The following ZNF131 variants were observed in gnomAD, a reference collection of about 807,000 sequenced individuals.
The protein encoded by ZNF131 is zinc finger and BTB domain containing 35, also known as zinc finger protein 131.
Under a neutral mutation model 60.0 loss-of-function variants are expected in ZNF131, and 7 were observed. The observed-to-expected ratio is 0.12, with a 90% CI of 0.07 to 0.22. ZNF131 has a LOEUF of 0.22. ZNF131 is among the 10% of genes least tolerant of loss of function. ZNF131 has a pLI of 1.00. For missense variants in ZNF131, 493 were observed against 740.9 expected, an observed-to-expected ratio of 0.67 and a Z score of 3.88; for synonymous variants, 257 against 253.2, an observed-to-expected ratio of 1.01 and a Z score of -0.14.
intron 3 of ZNF131, among the ~76,000 whole-genome samples, chr5:43,128,845 A>T (rs1045762476): frequency 1.3e-5 from 2 of 151,928 alleles, no homozygotes; most frequent in Non-Finnish European, 2.9e-5. Context: ...TGACCTCCTG[A>T]GTTCAAGCAG....
Position 43,174,802 on chromosome 5 carries a change from G to A in ZNF131, c.1541G>A (p.Ser514Asn), listed in dbSNP as rs969741857. ...QDSQVHDSHM[S>N]ELPEQVQVSY... ...AGCCAGGTGCACGATTCACACATGA[G>A]TGAGCTTCCAGAGCAGGTCCAAGTG... Residue 514 changes from serine (S) to asparagine (N), a missense_variant, in exon 7 of 7, where the codon AGT becomes AAT. Ser to Asn is a conservative substitution (Grantham distance 46). This residue lies in a region of ZNF131 where 202 missense variants were observed against 221.3 expected (regional missense o/e 0.91). Transcript: ENST00000682664. The A allele has an allele frequency of 1.2e-6, 2 of 1,614,102 alleles. No individual in the cohort carries two copies. The highest frequency in any genetic ancestry group is 2.7e-5 in the African/African-American group (2 of 74,946).
intron 4 of ZNF131, among the ~76,000 whole-genome samples, chr5:43,144,687 T>C (rs775445259): frequency 8.5e-5 from 13 of 152,144 alleles, no homozygotes; most frequent in Non-Finnish European, 1.8e-4. Context: ...TGTCTTGTGT[T>C]TAAGGCTATT....
At position 43,173,411 on chromosome 5, in the gene ZNF131, G is replaced by A; in HGVS notation, c.1148G>A (p.Gly383Glu). The change falls in exon 6 of 7, where the codon GGG becomes GAG. Residue 383 changes from glycine (G) to glutamate (E), a missense_variant. Transcript: ENST00000682664. ...CHLTACQTGV[G>E]AKKGRKKLYE... ...CTCACTGCATGCCAAACTGGAGTAG[G>A]GGCAAAAAAAGGAAGGAAGAAGCTC... is the stretch of plus-strand genomic sequence containing the variant. 6.2e-7 allele frequency: 1 copy of A among 1,613,124 alleles called. No homozygotes were observed. The highest frequency in any genetic ancestry group is 1.1e-5 in the South Asian group (1 of 91,024).
intron 4 of ZNF131, among the ~76,000 whole-genome samples, chr5:43,141,339 A>C (rs1746797483): frequency 6.6e-6 from 1 of 152,142 alleles, no homozygotes; most frequent in Non-Finnish European, 1.5e-5. Flanking sequence ...CAAAAAGATT[A>C]AAGGAAATAT....
chr5:43,142,459 A>G (rs542186129), intron 4 of ZNF131, among the ~76,000 whole-genome samples: 39 of 150,712 alleles, frequency 2.6e-4, no homozygotes, highest in East Asian at 1.0e-3. Flanking sequence ...TTCCGCCACC[A>G]CACCCGGCTA....
chr5:43,171,710 C>CCTCACCGGTTCAAGCAGTTCTGT (rs1368988979), intron 5 of ZNF131, among the ~76,000 whole-genome samples: 1 of 152,132 alleles, frequency 6.6e-6, no homozygotes, highest in East Asian at 1.9e-4. Context: ...GCAACTTCTG[C>CCTCACCGGTTCAAGCAGTTCTGT]CTCACCGGTT....
chr5:43,168,749 T>C (rs536888186), intron 5 of ZNF131, among the ~76,000 whole-genome samples: 18 of 152,076 alleles, frequency 1.2e-4, no homozygotes, highest in African/African-American at 4.3e-4. Context: ...AATCTTGGAG[T>C]CGTCCAAACC....
intron 5 of ZNF131, among the ~76,000 whole-genome samples, chr5:43,169,852 G>A (rs984514534): frequency 2.0e-5 from 3 of 151,176 alleles, no homozygotes; most frequent in Admixed American, 6.6e-5. Context: ...GTGCAATGGC[G>A]TGATCTAGGC....
chr5:43,148,061 T>TC (rs1265690670), intron 4 of ZNF131, among the ~76,000 whole-genome samples: 2 of 139,972 alleles, frequency 1.4e-5, no homozygotes, highest in African/African-American at 5.2e-5. Flanking sequence ...TTTTTTTTTT[T>TC]CTGGAAAAAA....
chr5:43,167,954 T>A (rs1750562843), intron 5 of ZNF131: 1 of 453,600 alleles, frequency 2.2e-6, no homozygotes. Context: ...AAGTTCACTG[T>A]TATGAGGCCA....
intron 5 of ZNF131, among the ~76,000 whole-genome samples, chr5:43,172,916 TCTTCTTAC>T (rs1751182089): frequency 1.3e-5 from 2 of 152,176 alleles, no homozygotes; most frequent in Non-Finnish European, 2.9e-5. Flanking sequence ...GGACAGTTTA[TCTTCTTAC>T]CTTCATCACC....
At position 43,174,731 on chromosome 5, in the gene ZNF131, A is replaced by C. The variant is rs369633449; in HGVS notation, c.1470A>C (p.Ser490=). The C allele has an allele frequency of 6.8e-6, 11 of 1,614,124 alleles. No homozygotes were observed. The highest frequency in any genetic ancestry group is 9.3e-6 in the Non-Finnish European group (11 of 1,180,046). ...VLPLLQVQVD[S]AQVTVEQVHP... ...CATTGCTTCAGGTTCAGGTGGATTC[A>C]GCACAAGTGACTGTGGAACAAGTCC... Residue 490 remains serine (S), a synonymous_variant, in exon 7 of 7, where the codon TCA becomes TCC. Transcript: ENST00000682664.
chr5:43,174,742 C>G lies in ZNF131; in HGVS notation c.1481C>G (p.Thr494Ser). Residue 494 changes from threonine (T) to serine (S), a missense_variant, in exon 7 of 7, where the codon ACT (threonine) becomes AGT (serine). Thr to Ser is a moderately conservative substitution (Grantham distance 58). This residue lies in a region of ZNF131 where 202 missense variants were observed against 221.3 expected (regional missense o/e 0.91). Coordinates refer to ENST00000682664, the MANE Select transcript of ZNF131 (RefSeq NM_001330707.2). ...GTTCAGGTGGATTCAGCACAAGTGA[C>G]TGTGGAACAAGTCCATCCAGATCTG... The part of the protein sequence containing the change: ...LQVQVDSAQV[T>S]VEQVHPDLLQ... 6.2e-7 allele frequency: 1 copy of G among 1,614,184 alleles called. No individual in the cohort carries two copies.
chr5:43,173,993 C>T (rs1314476837), intron 6 of ZNF131, among the ~76,000 whole-genome samples: 3 of 151,956 alleles, frequency 2.0e-5, no homozygotes, highest in Non-Finnish European at 2.9e-5. Flanking sequence ...TTTGGGAGGC[C>T]GAGGCGGGTG....
rs746830873 is a variant in ZNF131 at position 43,161,616 on chromosome 5, A to G, written c.739A>G (p.Ile247Val). 7 of 1,614,226 alleles carry G rather than the reference A, an allele frequency of 4.3e-6. No individual in the cohort carries two copies. The highest frequency in any genetic ancestry group is 1.7e-5 in the Admixed American group (1 of 60,030). ...SDPTSKQVEG[I>V]EIVELQLSHV... The stretch of plus-strand genomic sequence containing the variant: ...CCCCACGAGCAAACAGGTAGAAGGT[A>G]TTGAAATTGTGGAACTTCAGCTGTC... The change falls in exon 5 of 7, where the codon ATT becomes GTT. Residue 247 changes from isoleucine to valine, a missense_variant. Ile to Val is a conservative substitution (Grantham distance 29). Coordinates refer to ENST00000682664, the MANE Select transcript of ZNF131 (RefSeq NM_001330707.2).
intron 3 of ZNF131, among the ~76,000 whole-genome samples, chr5:43,137,507 G>C (rs977836650): frequency 1.4e-4 from 22 of 151,766 alleles, no homozygotes; most frequent in African/African-American, 4.8e-4. Context: ...AGTGTCACTA[G>C]GCATCAAGGA....
chr5:43,128,975 A>G (rs1181267085), intron 3 of ZNF131, among the ~76,000 whole-genome samples: 5 of 152,080 alleles, frequency 3.3e-5, no homozygotes, highest in Admixed American at 3.3e-4. Context: ...TCTGTTGCCC[A>G]GGTTGGGGTG....
At chr5:43,158,473 A>G (rs1261386376) in intron 4 of ZNF131, among the ~76,000 whole-genome samples, 1 of 151,606 alleles carries the variant, frequency 6.6e-6, no homozygotes, top group African/African-American at 2.4e-5. Flanking sequence ...TATTTTTAGT[A>G]GAGATGGGGT....
chr5:43,158,814 C>T (rs1749282162), intron 4 of ZNF131, among the ~76,000 whole-genome samples: 1 of 151,376 alleles, frequency 6.6e-6, no homozygotes, highest in Admixed American at 6.6e-5. Context: ...ATCAGTTGCT[C>T]TGTGATGCCT....
Sources: gnomAD v4.1 joint callset for allele counts (sites outside exome capture counted in the v4.1 genomes callset) on GRCh38, gnomAD v4.1.1 for gene constraint, gnomAD v4.1.1 regional missense constraint, MANE v1.5 for transcripts, NCBI Gene and HGNC (gene_info 2026-07-23, HGNC 2026-07-21) for gene names.